Variants in SGCZ observed in about 807,000 individuals in gnomAD.
SGCZ encodes zeta-sarcoglycan.
Under a neutral mutation model 41.3 loss-of-function variants are expected in SGCZ, and 40 were observed. The observed-to-expected ratio is 0.97, with a 90% confidence interval of 0.75 to 1.26. SGCZ has a LOEUF of 1.26. SGCZ is among the 50% of genes most tolerant of loss of function. SGCZ has a pLI of 0.00. For missense variants in SGCZ, 552 were observed against 369.8 expected (o/e 1.49, Z -4.04); for synonymous variants, 206 against 137.5 (o/e 1.50, Z -3.49).
chr8:14,880,078 T>A (rs1365577896), intron 1 of SGCZ, among the ~76,000 whole-genome samples: 1 of 152,120 alleles, frequency 6.6e-6, no homozygotes, highest in Non-Finnish European at 1.5e-5. Flanking sequence ...TGATCTCAGG[T>A]AATCTGCCCA....
chr8:14,602,910 T>C (rs1177282442), intron 1 of SGCZ, among the ~76,000 whole-genome samples: 1 of 151,916 alleles, frequency 6.6e-6, no homozygotes, highest in Non-Finnish European at 1.5e-5. Flanking sequence ...ACTAAGGAAA[T>C]GGAGATTTGA....
chr8:15,218,053 C>A (rs1300017965), intron 1 of SGCZ, among the ~76,000 whole-genome samples: 1 of 152,044 alleles, frequency 6.6e-6, no homozygotes, highest in Non-Finnish European at 1.5e-5. Context: ...GCAATAAATT[C>A]TATGTAAAAT....
chr8:14,875,714 T>G (rs2130711954), intron 1 of SGCZ, among the ~76,000 whole-genome samples: 1 of 152,178 alleles, frequency 6.6e-6, no homozygotes, highest in Admixed American at 6.5e-5. Flanking sequence ...ATAAAGTGAA[T>G]GAGCTGTGAT....
intron 1 of SGCZ, among the ~76,000 whole-genome samples, chr8:15,029,932 T>C (rs768122821): frequency 6.6e-6 from 1 of 152,186 alleles, no homozygotes; most frequent in Non-Finnish European, 1.5e-5. Flanking sequence ...ATGGAATGTG[T>C]GCCTTTTTGT....
chr8:14,780,432 G>A (rs1383411866), intron 1 of SGCZ, among the ~76,000 whole-genome samples: 2 of 150,954 alleles, frequency 1.3e-5, no homozygotes, highest in Non-Finnish European at 3.0e-5. Flanking sequence ...TAGTTTCTCT[G>A]AAATATAGAC....
chr8:15,109,525 A>T (rs1036523444), intron 1 of SGCZ, among the ~76,000 whole-genome samples: 1 of 152,182 alleles, frequency 6.6e-6, no homozygotes, highest in African/African-American at 2.4e-5. Flanking sequence ...GTCACAGAAG[A>T]TTTAATTGCA....
chr8:14,753,329 T>G (rs1185084628), intron 1 of SGCZ, among the ~76,000 whole-genome samples: 1 of 152,200 alleles, frequency 6.6e-6, no homozygotes, highest in Non-Finnish European at 1.5e-5. Context: ...ACTTATATGT[T>G]AAATAACATA....
At chr8:15,195,890 A>ATTTTTTTTTTTT (rs10548247) in intron 1 of SGCZ, among the ~76,000 whole-genome samples, 2 of 73,150 alleles carry the variant, frequency 2.7e-5, no homozygotes, top group South Asian at 6.0e-4. Context: ...TTAGGCTTCG[A>ATTTTTTTTTTTT]TTTTTTTTTT....
intron 1 of SGCZ, among the ~76,000 whole-genome samples, chr8:14,851,355 C>T (rs145935304): frequency 0.013 from 1,374 of 108,990 alleles, 25 homozygotes; most frequent in African/African-American, 0.049. Context: ...GGCGACAGAG[C>T]GAGACTCCAT....
intron 3 of SGCZ, among the ~76,000 whole-genome samples, chr8:14,274,479 A>C (rs17229371): frequency 1.3e-4 from 20 of 152,104 alleles, no homozygotes; most frequent in Non-Finnish European, 2.6e-4. Context: ...TGATTTCAGA[A>C]CACAAGTTTA....
At chr8:14,425,379 G>A (rs1040449729) in intron 2 of SGCZ, among the ~76,000 whole-genome samples, 7 of 152,104 alleles carry the variant, frequency 4.6e-5, no homozygotes, top group Non-Finnish European at 8.8e-5. Context: ...CTAGCACTTT[G>A]GGAGGCCGAG....
chr8:14,221,618 G>T (rs1871102), intron 4 of SGCZ, among the ~76,000 whole-genome samples: 7,225 of 152,250 alleles, frequency 0.047, 214 homozygotes, highest in Middle Eastern at 0.095. Context: ...TAATCCCACA[G>T]TTAGTTATCA....
intron 2 of SGCZ, among the ~76,000 whole-genome samples, chr8:14,352,589 C>A (rs936996108): frequency 1.3e-5 from 2 of 152,074 alleles, no homozygotes; most frequent in South Asian, 2.1e-4. Flanking sequence ...GCACAAACAA[C>A]CAGGAAGAGA....
At chr8:14,799,382 G>A (rs539720381) in intron 1 of SGCZ, among the ~76,000 whole-genome samples, 17 of 152,248 alleles carry the variant, frequency 1.1e-4, no homozygotes, top group African/African-American at 3.8e-4. Flanking sequence ...AGGCAAGACA[G>A]AATTTGATTT....
chr8:15,133,438 C>A (rs915456119), intron 1 of SGCZ, among the ~76,000 whole-genome samples: 1 of 152,114 alleles, frequency 6.6e-6, no homozygotes, highest in African/African-American at 2.4e-5. Context: ...CAGTGAAAAT[C>A]TTTCTCAGCC....
intron 2 of SGCZ, among the ~76,000 whole-genome samples, chr8:14,489,386 C>T (rs916374149): frequency 2.6e-5 from 4 of 151,762 alleles, no homozygotes; most frequent in Admixed American, 2.0e-4. Context: ...TTCTTAACAA[C>T]ATTATAAATA....
chr8:14,477,434 A>G (rs116172538), intron 2 of SGCZ, among the ~76,000 whole-genome samples: 275 of 152,282 alleles, frequency 1.8e-3, no homozygotes, highest in African/African-American at 6.4e-3. Flanking sequence ...GAGTTGTTTT[A>G]CATACTAGTG....
intron 5 of SGCZ, among the ~76,000 whole-genome samples, chr8:14,123,717 G>C (rs1324933787): frequency 6.6e-6 from 1 of 152,130 alleles, no homozygotes; most frequent in Non-Finnish European, 1.5e-5. Flanking sequence ...CAATCAATTA[G>C]AATGGTAGAC....
At chr8:14,690,113 C>CT (rs34143581) in intron 1 of SGCZ, among the ~76,000 whole-genome samples, 56,142 of 137,190 alleles carry the variant, frequency 0.41, 13,000 homozygotes, top group Non-Finnish European at 0.55. Flanking sequence ...AGTGTTGTCT[C>CT]TTTTTTTTTT....
Sources: allele counts gnomAD v4.1 joint callset (sites outside exome capture counted in the v4.1 genomes callset), GRCh38; gene constraint gnomAD v4.1.1; transcripts MANE v1.5; gene names NCBI Gene and HGNC (gene_info 2026-07-23, HGNC 2026-07-21).